The following LVRN variants were observed in gnomAD, a reference collection of about 807,000 sequenced individuals.
LVRN encodes the protein aminopeptidase Q.
LVRN carries 99 observed loss-of-function variants against 111.4 expected under a neutral mutation model. The observed-to-expected ratio is 0.89, with a 90% CI of 0.76 to 1.05. The LOEUF is 1.05. LVRN is among the 50% of genes least tolerant of loss of function. LVRN has a pLI of 0.00. For missense variants in LVRN, 1,414 were observed against 1,206.8 expected (o/e 1.17, Z -2.54); for synonymous variants, 488 against 449.5 (o/e 1.09, Z -1.08).
chr5:116,012,266 A>G (rs1243571586), intron 14 of LVRN, 108 bp from the exon 15 acceptor site: 1 of 651,358 alleles, frequency 1.5e-6, no homozygotes, highest in Non-Finnish European at 2.8e-6. Context: ...CTGAAGAAAT[A>G]TCTGCCACTT....
intron 13 of LVRN, 119 bp from the exon 14 acceptor site, chr5:116,010,622 T>C (rs1277481051): frequency 9.3e-7 from 1 of 1,077,468 alleles, no homozygotes; most frequent in Non-Finnish European, 1.4e-6. Context: ...TTCTCGTTTC[T>C]TGACTTATTC....
intron 12 of LVRN, among the ~76,000 whole-genome samples, chr5:116,004,069 C>T (rs553727310): frequency 1.3e-5 from 2 of 152,222 alleles, no homozygotes; most frequent in Admixed American, 6.5e-5. Context: ...GATTAGAGAT[C>T]ATGTAAGTGA....
chr5:115,991,990 CCTT>C (rs1161715448), intron 4 of LVRN, 130 bp from the exon 5 acceptor site: 16 of 760,704 alleles, frequency 2.1e-5, no homozygotes, highest in Non-Finnish European at 3.0e-5. Flanking sequence ...CTTTAAAAAG[CCTT>C]CTCTCCGTTC....
chr5:115,962,817 C>T lies in LVRN; in HGVS notation c.200C>T (p.Thr67Met), dbSNP rs758183317. 2.5e-6 allele frequency: 4 copies of T among 1,611,822 alleles called. No individual in the cohort carries two copies. Among genetic ancestry groups the T allele is most frequent in the African/African-American group, 1.3e-5 (1 of 74,806 alleles). ...ESSPPLRQKP[T>M]PTPKPSSARE... ...TCCCCTCCCCTCAGGCAGAAGCCGA[C>T]GCCAACCCCGAAACCCAGCAGTGCA... is the stretch of plus-strand genomic sequence containing the variant. Residue 67 changes from threonine to methionine, a missense_variant, in exon 1 of 20, where the codon ACG (threonine) becomes ATG (methionine). Transcript: ENST00000357872.
intron 12 of LVRN, among the ~76,000 whole-genome samples, 193 bp downstream of exon 12, chr5:116,003,573 T>G (rs540202802): frequency 1.7e-4 from 16 of 96,870 alleles, no homozygotes; most frequent in African/African-American, 6.1e-4. Flanking sequence ...GTGTGGTTTT[T>G]TTTTGTTTTT....
intron 1 of LVRN, among the ~76,000 whole-genome samples, 174 bp downstream of exon 1, chr5:115,963,486 C>T (rs985494095): frequency 1.3e-5 from 2 of 152,094 alleles, no homozygotes; most frequent in Non-Finnish European, 2.9e-5. Flanking sequence ...ACTTTAAGTT[C>T]TAGGGTACAT....
Position 115,987,823 on chromosome 5 carries a change from G to T in LVRN, c.989G>T (p.Trp330Leu). 6.2e-7 allele frequency: 1 copy of T among 1,612,146 alleles called. No individual in the cohort carries two copies. The highest frequency in any genetic ancestry group is 8.5e-7 in the Non-Finnish European group (1 of 1,179,234). The change falls in exon 4 of 20, where the codon TGG becomes TTG. Residue 330 changes from tryptophan to leucine, a missense_variant. Trp to Leu is a moderately conservative substitution (Grantham distance 61). Coordinates refer to ENST00000357872, the MANE Select transcript of LVRN (RefSeq NM_173800.5). ...ACTGTTTTGATTTAGATACGCATCT[G>T]GGCCCGGAAAGATGCAATTGCAAAT... ...RTERGKEIRI[W>L]ARKDAIANGS...
intron 6 of LVRN, among the ~76,000 whole-genome samples, chr5:115,999,217 A>G (rs78288533): frequency 0.022 from 3,319 of 152,300 alleles, 118 homozygotes; most frequent in East Asian, 0.081. Context: ...AAAGAGTCCT[A>G]TGGTTTTTAT....
At chr5:115,998,056 A>T (rs139759596) in intron 6 of LVRN, among the ~76,000 whole-genome samples, 78 of 152,348 alleles carry the variant, frequency 5.1e-4, no homozygotes, top group African/African-American at 1.8e-3. Context: ...CAATATGTGC[A>T]AAAACGTTCA....
chr5:116,024,799 T>A (rs185781439), intron 19 of LVRN, among the ~76,000 whole-genome samples: 99 of 152,282 alleles, frequency 6.5e-4, no homozygotes, highest in Admixed American at 2.7e-3. Flanking sequence ...AAAAAATATA[T>A]GAATTAGCTA....
At chr5:115,980,964 G>A (rs1333756365) in intron 1 of LVRN, among the ~76,000 whole-genome samples, 1 of 152,050 alleles carries the variant, frequency 6.6e-6, no homozygotes, top group Non-Finnish European at 1.5e-5. Context: ...GTTCTGAGTG[G>A]CCTTAGAGAT....
At chr5:116,001,279 G>A in intron 10 of LVRN, 40 bp downstream of exon 10, 7 of 1,605,750 alleles carry the variant, frequency 4.4e-6, no homozygotes, top group Non-Finnish European at 6.0e-6. Context: ...CCTTCCTTGG[G>A]GTTGAGCTCT....
At chr5:115,969,842 A>C (rs1753284982) in intron 1 of LVRN, among the ~76,000 whole-genome samples, 2 of 151,370 alleles carry the variant, frequency 1.3e-5, no homozygotes, top group Non-Finnish European at 2.9e-5. Context: ...TATCTTTAAC[A>C]TTTCTACATT....
At position 115,999,754 on chromosome 5, in the gene LVRN, C is replaced by T. The variant is rs1324862768; in HGVS notation, c.1375-8C>T. On this transcript the variant is annotated splice_polypyrimidine_tract_variant and splice_region_variant and intron_variant, in intron 6 of 19. Coordinates refer to ENST00000357872, the MANE Select transcript of LVRN (RefSeq NM_173800.5). ...GGAGTTAATGTGCCTCCATCTTTTC[C>T]TTTATAGAATGAGATCTTTTTTTCT... 12 of 1,612,496 alleles carry T rather than the reference C, an allele frequency of 7.4e-6. No homozygotes were observed. Among genetic ancestry groups the T allele is most frequent in the African/African-American group, 1.3e-5 (1 of 74,808 alleles).
chr5:115,999,660 C>T, intron 6 of LVRN, 102 bp from the exon 7 acceptor site: 1 of 1,272,822 alleles, frequency 7.9e-7, no homozygotes, highest in Non-Finnish European at 1.1e-6. Context: ...ACTGAATTTT[C>T]TCCCTCTTCA....
intron 15 of LVRN, 64 bp from the exon 16 acceptor site, chr5:116,014,356 G>T: frequency 1.8e-6 from 2 of 1,102,256 alleles, no homozygotes; most frequent in Non-Finnish European, 2.7e-6. Context: ...ACATATTCTT[G>T]GAGGCAGAGA....
At chr5:116,022,536 T>A in intron 19 of LVRN, 70 bp downstream of exon 19, 4 of 1,020,956 alleles carry the variant, frequency 3.9e-6, no homozygotes, top group Non-Finnish European at 6.0e-6. Flanking sequence ...TTGGACTTGC[T>A]AAAATTAAAA....
At chr5:115,979,998 G>T (rs1327697216) in intron 1 of LVRN, among the ~76,000 whole-genome samples, 1 of 152,096 alleles carries the variant, frequency 6.6e-6, no homozygotes, top group Non-Finnish European at 1.5e-5. Context: ...GTGAGTCCAT[G>T]ATCCACTTCC....
chr5:115,990,311 C>T (rs916947742), intron 4 of LVRN, among the ~76,000 whole-genome samples: 1 of 152,052 alleles, frequency 6.6e-6, no homozygotes, highest in East Asian at 1.9e-4. Flanking sequence ...TATTAGACTC[C>T]TATGTATTTT....
Sources: allele counts gnomAD v4.1 joint callset (sites outside exome capture counted in the v4.1 genomes callset), GRCh38; gene constraint gnomAD v4.1.1; transcripts MANE v1.5; gene names NCBI Gene and HGNC (gene_info 2026-07-23, HGNC 2026-07-21).